The following FBXO36 variants were observed in gnomAD, a reference collection of about 807,000 sequenced individuals.
FBXO36 encodes F-box only protein 36.
A neutral mutation model predicts 17.0 loss-of-function variants in FBXO36; 18 were observed. The observed-to-expected ratio is 1.06, with a 90% CI of 0.73 to 1.57. FBXO36 has a LOEUF of 1.57. Ranked by LOEUF, FBXO36 falls within the 40% of genes most tolerant of loss-of-function variation. FBXO36 has a pLI of 0.00. For synonymous variants in FBXO36, 83 were observed against 85.3 expected (o/e 0.97, Z 0.15); for missense variants, 229 against 221.9 (o/e 1.03, Z -0.20).
At chr2:229,941,177 C>T (rs1015562307) in intron 1 of FBXO36, among the ~76,000 whole-genome samples, 19 of 152,108 alleles carry the variant, frequency 1.2e-4, no homozygotes, top group African/African-American at 4.6e-4. Context: ...GGGACGAAGC[C>T]GGGCACGGTG....
chr2:229,984,889 C>G (rs540220637), intron 2 of FBXO36, among the ~76,000 whole-genome samples: 1 of 152,098 alleles, frequency 6.6e-6, no homozygotes, highest in Admixed American at 6.6e-5. Flanking sequence ...GCTGGGACAT[C>G]TATATCTGCA....
rs369585800 is a variant in FBXO36 at position 229,996,749 on chromosome 2, A to G, written c.206-2A>G. 3.1e-6 allele frequency: 5 copies of G among 1,602,276 alleles called. No homozygotes were observed. The highest frequency in any genetic ancestry group is 4.3e-6 in the Non-Finnish European group (5 of 1,175,212). ...AACCATGTTGGCTTCTTTGAATTAC[A>G]GGTCAAACTGCCTTAATATTTGGTG... On this transcript the variant is annotated splice_acceptor_variant, in intron 2 of 3. Coordinates refer to ENST00000283946, the MANE Select transcript of FBXO36 (RefSeq NM_174899.5). LOFTEE classifies it high-confidence loss of function.
At chr2:229,925,498 G>C (rs1422069258) in intron 1 of FBXO36, among the ~76,000 whole-genome samples, 2 of 151,876 alleles carry the variant, frequency 1.3e-5, no homozygotes, top group Non-Finnish European at 2.9e-5. Flanking sequence ...TTTTTTTTCT[G>C]GAATGACTTT....
Position 229,948,499 on chromosome 2 carries a change from C to T in FBXO36, c.96+25890C>T, listed in dbSNP as rs111586941. Among the ~76,000 whole-genome samples the T allele has an allele frequency of 3.7e-3, 540 of 144,820 alleles. 4 individuals are homozygous for T. The highest frequency in any genetic ancestry group is 0.021 in the Middle Eastern group (6 of 292). On this transcript the variant is annotated intron_variant, in intron 1 of 3. Coordinates refer to ENST00000283946, the MANE Select transcript of FBXO36 (RefSeq NM_174899.5). ...AGTAAACAATTATCTGACTTTTAGC[C>T]GAACACTTGGGCTTTAGAGAAAAAA...
chr2:229,930,219 G>A (rs900668730), intron 1 of FBXO36, among the ~76,000 whole-genome samples: 8 of 152,152 alleles, frequency 5.3e-5, no homozygotes, highest in African/African-American at 1.9e-4. Context: ...GGTGACATGA[G>A]CCTGTAGTCC....
chr2:229,923,037 T>C (rs2076816781), intron 1 of FBXO36: 1 of 165,296 alleles, frequency 6.0e-6, no homozygotes, highest in Non-Finnish European at 1.3e-5. Flanking sequence ...TTTTCCAGGA[T>C]AGGAATTAAT....
chr2:229,952,714 G>A (rs2077063545), intron 1 of FBXO36, among the ~76,000 whole-genome samples: 1 of 152,156 alleles, frequency 6.6e-6, no homozygotes, highest in African/African-American at 2.4e-5. Context: ...AGTACTCAGG[G>A]AACCATTAGG....
intron 3 of FBXO36, among the ~76,000 whole-genome samples, 179 bp from the exon 4 acceptor site, chr2:230,010,517 T>G (rs1351227211): frequency 6.6e-6 from 1 of 152,190 alleles, no homozygotes; most frequent in East Asian, 1.9e-4. Context: ...GTATGTCCTT[T>G]AGATATATGT....
At chr2:229,949,538 T>TACACAC (rs56048655) in intron 1 of FBXO36, among the ~76,000 whole-genome samples, 24,214 of 149,362 alleles carry the variant, frequency 0.16, 2,052 homozygotes, top group African/African-American at 0.23. Flanking sequence ...GTAAAATGTA[T>TACACAC]ACACACACAC....
rs187589887 is a variant in FBXO36 at position 229,964,641 on chromosome 2, C to A, written c.97-11600C>A. Among the ~76,000 whole-genome samples, 5 of 152,322 alleles carry A rather than the reference C, an allele frequency of 3.3e-5. 1 individual carries two copies. The East Asian group carries it at 9.6e-4, about 29-fold the overall frequency. ...GTTCAAGTGATTATCCTGCCTCAGC[C>A]TCCTGAGTAGCTGGGACTACAGGCA... On this transcript the variant is annotated intron_variant, in intron 1 of 3. Coordinates refer to ENST00000283946, the MANE Select transcript of FBXO36 (RefSeq NM_174899.5).
At chr2:229,927,582 G>A (rs965079772) in intron 1 of FBXO36, among the ~76,000 whole-genome samples, 4 of 152,012 alleles carry the variant, frequency 2.6e-5, no homozygotes, top group South Asian at 2.1e-4. Flanking sequence ...TGGCAGATAC[G>A]GCCTCTTGCA....
At chr2:229,973,685 C>T (rs1229601945) in intron 1 of FBXO36, among the ~76,000 whole-genome samples, 1 of 149,078 alleles carries the variant, frequency 6.7e-6, no homozygotes, top group Non-Finnish European at 1.5e-5. Flanking sequence ...CGCACCACTG[C>T]ACTCCAGCCT....
At chr2:229,977,131 A>G (rs1000284466) in intron 2 of FBXO36, 1 of 152,048 alleles carries the variant, frequency 6.6e-6, no homozygotes, top group Non-Finnish European at 1.5e-5. Context: ...TTCCTATGCT[A>G]CAACCATCTA....
intron 1 of FBXO36, among the ~76,000 whole-genome samples, chr2:229,955,143 C>T (rs1310981355): frequency 3.3e-5 from 5 of 152,162 alleles, no homozygotes; most frequent in South Asian, 2.1e-4. Context: ...TGAGCCACCG[C>T]GCCCAGCCCG....
chr2:229,975,763 A>G (rs2077204656), intron 1 of FBXO36, among the ~76,000 whole-genome samples: 1 of 141,644 alleles, frequency 7.1e-6, no homozygotes, highest in South Asian at 2.2e-4. Flanking sequence ...GATGTGAGCC[A>G]CTATGCCCAG....
intron 3 of FBXO36, among the ~76,000 whole-genome samples, chr2:230,007,832 A>G (rs1048397172): frequency 6.6e-6 from 1 of 152,010 alleles, no homozygotes; most frequent in Non-Finnish European, 1.5e-5. Context: ...CTGATGTCAA[A>G]TAATCCACCC....
At chr2:229,922,718 G>A in intron 1 of FBXO36, 109 bp downstream of exon 1, 6 of 1,115,288 alleles carry the variant, frequency 5.4e-6, no homozygotes, top group Non-Finnish European at 3.8e-6. Flanking sequence ...CGCCGGAAGC[G>A]CCCAGTCCCG....
rs924896313 is a variant in FBXO36 at position 230,012,845 on chromosome 2, C to A, written c.*1961C>A. 6.6e-6 allele frequency: 1 copy of A among 151,652 alleles called. No individual in the cohort carries two copies. Among genetic ancestry groups the A allele is most frequent in the East Asian group, 1.9e-4 (1 of 5,200 alleles). 9.4% of individuals were successfully genotyped at this position (151,652 alleles called of 1,614,324 possible). On this transcript the variant is annotated 3_prime_UTR_variant, in exon 4 of 4. Transcript: ENST00000283946. The stretch of plus-strand genomic sequence containing the variant: ...GTAGTATTTTATCAACAAACAGATT[C>A]TGAAAGCTTATGGACATGCGCAATA...
intron 3 of FBXO36, among the ~76,000 whole-genome samples, chr2:230,006,105 GTTT>G (rs577192144): frequency 8.0e-6 from 1 of 124,656 alleles, no homozygotes. Context: ...TTTTATTTTA[GTTT>G]TTTTTTTTTT....
Sources: gnomAD v4.1 joint callset for allele counts (sites outside exome capture counted in the v4.1 genomes callset) on GRCh38, gnomAD v4.1.1 for gene constraint, MANE v1.5 for transcripts, NCBI Gene and HGNC (gene_info 2026-07-23, HGNC 2026-07-21) for gene names.